The following MLLT1 variants were observed in gnomAD, a reference collection of about 807,000 sequenced individuals.
MLLT1 encodes protein ENL.
A neutral mutation model predicts 55.1 loss-of-function variants in MLLT1; 11 were observed. The observed-to-expected ratio is 0.20, with a 90% CI of 0.13 to 0.33. The LOEUF is 0.33. MLLT1 is among the 10% of genes least tolerant of loss of function. The pLI, the probability that MLLT1 is intolerant of heterozygous loss-of-function variation, is 1.00. For synonymous variants in MLLT1, 323 were observed against 320.1 expected (o/e 1.01, Z -0.10); for missense variants, 536 against 760.6 (o/e 0.70, Z 3.47).
At position 6,270,858 on chromosome 19, in the gene MLLT1, G is replaced by T; in HGVS notation, c.13-99C>A. 2 of 1,152,794 alleles carry T rather than the reference G, an allele frequency of 1.7e-6. No individual in the cohort carries two copies. Among genetic ancestry groups the T allele is most frequent in the African/African-American group, 1.5e-5 (1 of 64,584 alleles). 71.4% of individuals were successfully genotyped at this position (1,152,794 alleles called of 1,614,324 possible). ...GAACTTTCGATAAAGACCCCCAGCA[G>T]TGCAATACGCTCTCAACCCAGTGAG... On this transcript the variant is annotated intron_variant, in intron 1 of 11. Transcript: ENST00000252674. This position sits in a 1 kb window ranked among gnomAD's most constrained non-coding sequence, Gnocchi z 7.1.
intron 3 of MLLT1, among the ~76,000 whole-genome samples, chr19:6,254,780 C>T (rs1407107404): frequency 6.6e-6 from 1 of 152,180 alleles, no homozygotes; most frequent in Non-Finnish European, 1.5e-5. Flanking sequence ...GGAAACTCTT[C>T]CCCTGAGATC....
chr19:6,214,557 G>C (rs2090820253), intron 8 of MLLT1, among the ~76,000 whole-genome samples: 1 of 152,154 alleles, frequency 6.6e-6, no homozygotes, highest in Admixed American at 6.5e-5. Flanking sequence ...GGGGTATCTG[G>C]TGGTGGGGAG....
chr19:6,239,634 TAC>T (rs753956111), intron 3 of MLLT1, among the ~76,000 whole-genome samples: 4 of 152,108 alleles, frequency 2.6e-5, no homozygotes, highest in African/African-American at 4.8e-5. Context: ...CACACCCATG[TAC>T]ACACACTCAT....
intron 3 of MLLT1, among the ~76,000 whole-genome samples, chr19:6,251,104 G>C (rs1352982258): frequency 2.0e-5 from 3 of 152,124 alleles, no homozygotes; most frequent in Non-Finnish European, 4.4e-5. Context: ...GGGGGAACGG[G>C]AAACAGCTGC....
chr19:6,265,848 G>A (rs374397429), intron 2 of MLLT1, among the ~76,000 whole-genome samples: 1 of 151,394 alleles, frequency 6.6e-6, no homozygotes, highest in African/African-American at 2.4e-5. Context: ...GGGTGGTGGT[G>A]GGGGCTTGTA....
In MLLT1 at chr19:6,262,448, A is replaced by C; in HGVS notation, c.194-138T>G. 1 of 633,216 alleles carries C rather than the reference A, an allele frequency of 1.6e-6. No homozygotes were observed. Among genetic ancestry groups the C allele is most frequent in the Non-Finnish European group, 2.8e-6 (1 of 360,896 alleles). The allele number at this position is 633,216 out of a possible 1,614,324, so 39.2% of individuals were successfully genotyped here. ...GGCCTCTCGGGGGTGGCTTTTCAGG[A>C]GGTTAAGCCCCCGACAGGATTGACT... On this transcript the variant is annotated intron_variant, in intron 2 of 11. Transcript: ENST00000252674. This position sits in a 1 kb window ranked among gnomAD's most constrained non-coding sequence, Gnocchi z 4.4.
In MLLT1 at chr19:6,262,327, G is replaced by A. The variant is rs1204009620; in HGVS notation, c.194-17C>T. 6.2e-7 allele frequency: 1 copy of A among 1,609,258 alleles called. No individual in the cohort carries two copies. The highest frequency in any genetic ancestry group is 8.5e-7 in the Non-Finnish European group (1 of 1,176,406). On this transcript the variant is annotated splice_polypyrimidine_tract_variant and intron_variant, in intron 2 of 11. Transcript: ENST00000252674. The surrounding 1 kb of genome is among the most constrained non-coding windows in gnomAD (Gnocchi z 4.4). ...CCTTGCACACTAAAAAGAAAAGGAA[G>A]AAACACACCCATCAGCCTCCTGCCT...
intron 3 of MLLT1, among the ~76,000 whole-genome samples, chr19:6,260,733 C>T (rs1203604449): frequency 3.3e-5 from 5 of 152,258 alleles, no homozygotes; most frequent in Non-Finnish European, 5.9e-5. Flanking sequence ...GTAGTCCCAG[C>T]TACTTGGGAG....
At chr19:6,236,078 C>T (rs2091058071) in intron 3 of MLLT1, among the ~76,000 whole-genome samples, 1 of 152,178 alleles carries the variant, frequency 6.6e-6, no homozygotes, top group Non-Finnish European at 1.5e-5. Context: ...GCTGAACATC[C>T]CTAAATACTC....
intron 1 of MLLT1, among the ~76,000 whole-genome samples, chr19:6,279,480 G>C (rs1442071028): frequency 6.6e-6 from 1 of 151,946 alleles, no homozygotes; most frequent in East Asian, 1.9e-4. Flanking sequence ...GGTCGGACTG[G>C]CGTTCCGAGG....
At chr19:6,215,071 G>A (rs2090826091) in intron 8 of MLLT1, among the ~76,000 whole-genome samples, 1 of 152,136 alleles carries the variant, frequency 6.6e-6, no homozygotes, top group Non-Finnish European at 1.5e-5. Flanking sequence ...CAGGTGACTG[G>A]GATGACGGCT....
At chr19:6,244,450 G>A (rs561671398) in intron 3 of MLLT1, among the ~76,000 whole-genome samples, 15 of 150,936 alleles carry the variant, frequency 9.9e-5, no homozygotes, top group Admixed American at 9.4e-4. Context: ...AGTCTCCCCC[G>A]CCTCTCTCAA....
At position 6,212,352 on chromosome 19, in the gene MLLT1, G is replaced by A. The variant is rs923495720; in HGVS notation, c.*690C>T. 111 of 966,148 alleles carry A rather than the reference G, an allele frequency of 1.1e-4. No homozygotes were observed. Among genetic ancestry groups the A allele is most frequent in the African/African-American group, 1.6e-4 (5 of 30,962 alleles). 59.8% of individuals were successfully genotyped at this position (966,148 alleles called of 1,614,324 possible). A position where few individuals can be genotyped will look rare whatever the true frequency, so the allele number is the denominator to read the frequency against. On this transcript the variant is annotated 3_prime_UTR_variant, in exon 12 of 12. Transcript: ENST00000252674. Reference sequence around the variant, plus strand: ...GAGGGCCAGCTGCCGTGCCTGGCTCGGCCTCCAGCCCCACACCACCGCAGA... The same window carrying A: ...GAGGGCCAGCTGCCGTGCCTGGCTCAGCCTCCAGCCCCACACCACCGCAGA...
chr19:6,241,590 C>G (rs564983370), intron 3 of MLLT1, among the ~76,000 whole-genome samples: 4 of 152,336 alleles, frequency 2.6e-5, no homozygotes, highest in South Asian at 4.1e-4. Flanking sequence ...ACCGTCCCAG[C>G]CTTGGAGGTC....
rs2090968447 is a variant in MLLT1 at position 6,227,673 on chromosome 19, G to T, written c.421-571C>A. ...GGCAGACGACCTGTGCCTACTGGGGGGGTCTCTCTGCAAAGCAGGCCCGAG... is the reference window on the plus strand; with the variant it reads ...GGCAGACGACCTGTGCCTACTGGGGTGGTCTCTCTGCAAAGCAGGCCCGAG... On this transcript the variant is annotated intron_variant, in intron 4 of 11. Coordinates refer to ENST00000252674, the MANE Select transcript of MLLT1 (RefSeq NM_005934.4). This position sits in a 1 kb window ranked among gnomAD's most constrained non-coding sequence, Gnocchi z 5.1. Among the ~76,000 whole-genome samples, 1 of 152,194 alleles carries T rather than the reference G, an allele frequency of 6.6e-6. No homozygotes were observed. The highest frequency in any genetic ancestry group is 6.5e-5 in the Admixed American group (1 of 15,290).
rs552722586 is a variant in MLLT1, at chr19:6,265,723, G to A, written c.194-3413C>T. On this transcript the variant is annotated intron_variant, in intron 2 of 11. Coordinates refer to ENST00000252674, the MANE Select transcript of MLLT1 (RefSeq NM_005934.4). Reference sequence around the variant, plus strand: ...TGGCCAGGTGCAATGGCTCATGCCTGTAATCTCAGCACTTTGGGAGGCTGC... The same window carrying A: ...TGGCCAGGTGCAATGGCTCATGCCTATAATCTCAGCACTTTGGGAGGCTGC... 5.3e-5 allele frequency among the ~76,000 whole-genome samples: 8 copies of A among 152,100 alleles called. No homozygotes were observed. The South Asian group carries it at 1.5e-3, about 28-fold the overall frequency.
intron 2 of MLLT1, among the ~76,000 whole-genome samples, chr19:6,266,254 T>G (rs2091348386): frequency 7.7e-6 from 1 of 129,980 alleles, no homozygotes; most frequent in Non-Finnish European, 1.6e-5. Flanking sequence ...CCAGTCTGGG[T>G]GGCAGAATGA....
intron 3 of MLLT1, among the ~76,000 whole-genome samples, chr19:6,239,549 G>A (rs183816173): frequency 1.2e-4 from 18 of 152,106 alleles, no homozygotes; most frequent in African/African-American, 3.9e-4. Context: ...ATGCACACAC[G>A]CATGCGTACA....
chr19:6,221,036 C>A (rs1057169721), intron 6 of MLLT1, among the ~76,000 whole-genome samples: 1 of 152,214 alleles, frequency 6.6e-6, no homozygotes, highest in Non-Finnish European at 1.5e-5. Flanking sequence ...GGACCGTCAC[C>A]CCCAGCCAGC....
Sources: gnomAD v4.1 joint callset for allele counts (sites outside exome capture counted in the v4.1 genomes callset) on GRCh38, gnomAD v4.1.1 for gene constraint, Gnocchi (gnomAD v3.1) non-coding constraint, MANE v1.5 for transcripts, NCBI Gene and HGNC (gene_info 2026-07-23, HGNC 2026-07-21) for gene names.